Variants in CAMK1D observed in about 807,000 individuals in gnomAD.
CAMK1D encodes calcium/calmodulin-dependent protein kinase type 1D.
CAMK1D carries 9 observed loss-of-function variants against 47.7 expected under a neutral mutation model. The observed-to-expected ratio is 0.19, with a 90% confidence interval of 0.11 to 0.33. CAMK1D has a LOEUF of 0.33. CAMK1D is among the 10% of genes least tolerant of loss of function. CAMK1D has a pLI of 1.00. For synonymous variants in CAMK1D, 184 were observed against 184.9 expected, an observed-to-expected ratio of 0.99 and a Z score of 0.04; for missense variants, 291 against 488.7, an observed-to-expected ratio of 0.60 and a Z score of 3.81.
chr10:12,772,453 C>T (rs1029118080), intron 5 of CAMK1D, among the ~76,000 whole-genome samples: 1 of 152,170 alleles, frequency 6.6e-6, no homozygotes, highest in African/African-American at 2.4e-5. Flanking sequence ...GCTCTGACAA[C>T]CAGTGACGGC....
chr10:12,349,989 C>A, intron 1 of CAMK1D, 79 bp downstream of exon 1: 1 of 699,480 alleles, frequency 1.4e-6, no homozygotes, highest in Non-Finnish European at 2.2e-6. Context: ...CCGCCGCCGC[C>A]ACTACCGCGG....
At chr10:12,563,815 G>A (rs1837032613) in intron 2 of CAMK1D, among the ~76,000 whole-genome samples, 1 of 152,244 alleles carries the variant, frequency 6.6e-6, no homozygotes, top group East Asian at 1.9e-4. Context: ...TAGATATTTA[G>A]AGTAGTTGAA....
intron 3 of CAMK1D, among the ~76,000 whole-genome samples, chr10:12,687,515 T>C (rs894206384): frequency 4.6e-5 from 7 of 152,200 alleles, no homozygotes; most frequent in African/African-American, 1.4e-4. Context: ...GGCTGATGGA[T>C]GGTGGTGATT....
At chr10:12,734,049 C>T (rs911880734) in intron 3 of CAMK1D, among the ~76,000 whole-genome samples, 13 of 151,750 alleles carry the variant, frequency 8.6e-5, no homozygotes, top group South Asian at 2.1e-4. Flanking sequence ...AGACACAGGC[C>T]GGGTGCCGTG....
At chr10:12,731,300 G>A (rs1324950701) in intron 3 of CAMK1D, among the ~76,000 whole-genome samples, 1 of 152,198 alleles carries the variant, frequency 6.6e-6, no homozygotes, top group African/African-American at 2.4e-5. Flanking sequence ...GATGCTTCTG[G>A]TGGTGAAAGT....
rs576804890 is a variant in CAMK1D, at chr10:12,765,803, T to C, written c.439-3870T>C. On this transcript the variant is annotated intron_variant, in intron 4 of 10. Coordinates refer to ENST00000619168, the MANE Select transcript of CAMK1D (RefSeq NM_153498.4). ...GGTCTGTGGTGAAATGCAGGGGGGT[T>C]TTATAGCTGAGCTTGAGGAGGTGGT... Among the ~76,000 whole-genome samples the C allele has an allele frequency of 6.6e-5, 10 of 152,010 alleles. No homozygotes were observed. In the South Asian group the frequency reaches 1.5e-3, roughly 22 times the overall value.
intron 2 of CAMK1D, among the ~76,000 whole-genome samples, chr10:12,553,806 G>A (rs888717905): frequency 7.2e-5 from 11 of 152,168 alleles, no homozygotes; most frequent in Non-Finnish European, 1.6e-4. Context: ...CTGTGCTGTC[G>A]CCACCGCTGT....
chr10:12,414,951 G>A (rs772293408), intron 1 of CAMK1D, among the ~76,000 whole-genome samples: 4 of 151,988 alleles, frequency 2.6e-5, no homozygotes, highest in South Asian at 2.1e-4. Context: ...TTTAACACTC[G>A]TTTGGAATTT....
chr10:12,563,078 A>G (rs112959810), intron 2 of CAMK1D, among the ~76,000 whole-genome samples: 1,953 of 152,376 alleles, frequency 0.013, 48 homozygotes, highest in African/African-American at 0.045. Flanking sequence ...GAGAAGCTCC[A>G]CAATCCACCA....
At chr10:12,509,153 A>G (rs940357246) in intron 1 of CAMK1D, among the ~76,000 whole-genome samples, 10 of 152,196 alleles carry the variant, frequency 6.6e-5, no homozygotes, top group African/African-American at 2.4e-4. Context: ...GGATAATTGC[A>G]CGACTTTCCC....
At chr10:12,746,095 G>C (rs17152185) in intron 3 of CAMK1D, among the ~76,000 whole-genome samples, 41,747 of 151,882 alleles carry the variant, frequency 0.27, 6,390 homozygotes, top group African/African-American at 0.42. Flanking sequence ...TCCCGATGCC[G>C]GTGATGCCTG....
intron 2 of CAMK1D, among the ~76,000 whole-genome samples, chr10:12,615,160 G>T (rs1033568001): frequency 6.6e-6 from 1 of 152,206 alleles, no homozygotes; most frequent in Non-Finnish European, 1.5e-5. Context: ...GCGAGAGGAG[G>T]CAGAATTGGT....
intron 1 of CAMK1D, among the ~76,000 whole-genome samples, chr10:12,489,395 G>A (rs895204188): frequency 1.3e-5 from 2 of 152,212 alleles, no homozygotes; most frequent in African/African-American, 4.8e-5. Flanking sequence ...AAGAGGGAGG[G>A]AAGGATCTCA....
intron 2 of CAMK1D, among the ~76,000 whole-genome samples, chr10:12,643,697 A>G (rs1295316856): frequency 1.3e-5 from 2 of 152,112 alleles, no homozygotes; most frequent in Non-Finnish European, 2.9e-5. Flanking sequence ...CAGCCTGGCC[A>G]ATACAGCAAA....
intron 1 of CAMK1D, among the ~76,000 whole-genome samples, chr10:12,541,857 TC>T (rs60541894): frequency 9.3e-5 from 13 of 140,488 alleles, no homozygotes; most frequent in African/African-American, 3.7e-4. Context: ...CTTCCTTCCT[TC>T]CTTCCTTCCT....
chr10:12,586,453 GAAA>G (rs201388483), intron 2 of CAMK1D, among the ~76,000 whole-genome samples: 7 of 111,756 alleles, frequency 6.3e-5, no homozygotes, highest in African/African-American at 2.0e-4. Context: ...CCTCTCAAAA[GAAA>G]AAAAAAAAAA....
intron 8 of CAMK1D, 73 bp downstream of exon 8, chr10:12,816,401 G>T: frequency 8.3e-7 from 1 of 1,207,628 alleles, no homozygotes; most frequent in South Asian, 1.3e-5. Flanking sequence ...CTTCCTGTTG[G>T]CCGTTGTCAT....
rs573300814 is a variant in CAMK1D, at chr10:12,552,932, G to A, written c.93-293G>A. Among the ~76,000 whole-genome samples, 13 of 152,184 alleles carry A rather than the reference G, an allele frequency of 8.5e-5. No individual in the cohort carries two copies. The South Asian group carries it at 1.0e-3, about 12-fold the overall frequency. Reference sequence around the variant, plus strand: ...AATTTTTTGTATTTTTAGTAGAGACGGGGTTTCATCATGTTGGCCAGGCTG... The same window carrying A: ...AATTTTTTGTATTTTTAGTAGAGACAGGGTTTCATCATGTTGGCCAGGCTG... On this transcript the variant is annotated intron_variant, in intron 1 of 10. Transcript: ENST00000619168.
intron 1 of CAMK1D, among the ~76,000 whole-genome samples, chr10:12,440,049 A>T (rs1458041554): frequency 1.3e-5 from 2 of 152,142 alleles, no homozygotes; most frequent in South Asian, 2.1e-4. Context: ...CTCCCATAAC[A>T]TGTGGGAATT....
Sources: gnomAD v4.1 joint callset for allele counts (sites outside exome capture counted in the v4.1 genomes callset) on GRCh38, gnomAD v4.1.1 for gene constraint, MANE v1.5 for transcripts, NCBI Gene and HGNC (gene_info 2026-07-23, HGNC 2026-07-21) for gene names.